The following EHHADH variants were observed in gnomAD, a reference collection of about 807,000 sequenced individuals.
EHHADH encodes enoyl-CoA hydratase and 3-hydroxyacyl CoA dehydrogenase.
In EHHADH, 48 loss-of-function variants were observed where a neutral mutation model predicts 64.4. The ratio of observed to expected loss-of-function variants is 0.75; its 90% CI spans 0.59 to 0.95. The LOEUF is 0.95. EHHADH is among the 40% of genes least tolerant of loss of function. EHHADH has a pLI of 0.00. For missense variants in EHHADH, 854 were observed against 876.6 expected, an observed-to-expected ratio of 0.97 and a Z score of 0.33; for synonymous variants, 308 against 326.7, an observed-to-expected ratio of 0.94 and a Z score of 0.62.
intron 3 of EHHADH, 79 bp downstream of exon 3, chr3:185,235,211 G>C (rs1273862343): frequency 1.1e-5 from 14 of 1,320,992 alleles, no homozygotes; most frequent in Non-Finnish European, 1.4e-5. Flanking sequence ...AATCACCGCT[G>C]ATACTTATGA....
Position 185,229,537 on chromosome 3 carries a change from C to T in EHHADH, c.358G>A (p.Val120Ile). Residue 120 changes from valine to isoleucine, a missense_variant, in exon 4 of 7, where the codon GTT becomes ATT. Physicochemically the swap from Val to Ile is conservative, Grantham distance 29. Coordinates refer to ENST00000231887, the MANE Select transcript of EHHADH (RefSeq NM_001966.4). ...HYRIAHAEAQVGLPEVTLGLL... is the reference protein window; with the variant it reads ...HYRIAHAEAQIGLPEVTLGLL... ...CCCAGTGTAACTTCTGGTAAGCCAA[C>T]TTGAGCCTATCAAAGATTGAAGGCA... The T allele has an allele frequency of 1.9e-6, 3 of 1,562,750 alleles. No individual in the cohort carries two copies. Among genetic ancestry groups the T allele is most frequent in the Non-Finnish European group, 2.6e-6 (3 of 1,150,622 alleles).
At chr3:185,232,149 G>A (rs4686556) in intron 3 of EHHADH, among the ~76,000 whole-genome samples, 7 of 152,104 alleles carry the variant, frequency 4.6e-5, no homozygotes, top group Admixed American at 1.3e-4. Flanking sequence ...TACCCAGATC[G>A]TGATTCTAGC....
At chr3:185,248,757 T>C (rs1215728859) in intron 1 of EHHADH, among the ~76,000 whole-genome samples, 1 of 152,240 alleles carries the variant, frequency 6.6e-6, no homozygotes, top group Non-Finnish European at 1.5e-5. Context: ...ATCCACTTTT[T>C]AAAAATGTAA....
chr3:185,246,193 GTT>G, intron 2 of EHHADH: 1 of 967,976 alleles, frequency 1.0e-6, no homozygotes, highest in Non-Finnish European at 1.6e-6. Context: ...TATCTTTTTT[GTT>G]TTTTTTTCTT....
rs1239828059 is a variant in EHHADH, at chr3:185,235,333, A to C, written c.308T>G (p.Leu103Arg). Reference protein sequence around the residue: ...AIQGMAFGGGLELALGCHYRI... With the variant: ...AIQGMAFGGGRELALGCHYRI... Reference sequence around the variant, plus strand: ...ATAGTGACAGCCCAGGGCCAGCTCTAGTCCCCCTCCGAAAGCCATGCCTTG... The same window carrying C: ...ATAGTGACAGCCCAGGGCCAGCTCTCGTCCCCCTCCGAAAGCCATGCCTTG... Residue 103 changes from leucine to arginine, a missense_variant, in exon 3 of 7, where the codon CTA becomes CGA. Physicochemically the swap from Leu to Arg is moderately radical, Grantham distance 102. Coordinates refer to ENST00000231887, the MANE Select transcript of EHHADH (RefSeq NM_001966.4). The C allele has an allele frequency of 6.2e-7, 1 of 1,613,844 alleles. No homozygotes were observed. The highest frequency in any genetic ancestry group is 8.5e-7 in the Non-Finnish European group (1 of 1,179,934).
intron 5 of EHHADH, among the ~76,000 whole-genome samples, chr3:185,207,159 G>A (rs956239825): frequency 6.6e-6 from 1 of 151,866 alleles, no homozygotes; most frequent in Non-Finnish European, 1.5e-5. Flanking sequence ...GCATGGTGGC[G>A]CACCCCTGTG....
At chr3:185,236,133 T>C (rs1719285857) in intron 2 of EHHADH, among the ~76,000 whole-genome samples, 1 of 152,234 alleles carries the variant, frequency 6.6e-6, no homozygotes, top group Admixed American at 6.5e-5. Context: ...AATATCACTA[T>C]ATAGCCATAA....
At chr3:185,248,184 G>T in intron 2 of EHHADH, 1 of 475,256 alleles carries the variant, frequency 2.1e-6, no homozygotes, top group Non-Finnish European at 3.7e-6. Context: ...CATCAAGTCT[G>T]GAACTAAATA....
In EHHADH at chr3:185,246,405, T is replaced by C. The variant is rs1719596739; in HGVS notation, c.178+2009A>G. The C allele has an allele frequency of 5.9e-5, 35 of 597,338 alleles. No individual in the cohort carries two copies. The South Asian group carries it at 7.4e-4, about 13-fold the overall frequency. 37.0% of individuals were successfully genotyped at this position (597,338 alleles called of 1,614,324 possible). On this transcript the variant is annotated intron_variant, in intron 2 of 6. Transcript: ENST00000231887. ...CTTCTTCTTCTTCTTTTCTTCTTGCTCACAGTAGGATCAAAAATCATCTCA... is the reference window on the plus strand; with the variant it reads ...CTTCTTCTTCTTCTTTTCTTCTTGCCCACAGTAGGATCAAAAATCATCTCA...
intron 6 of EHHADH, among the ~76,000 whole-genome samples, chr3:185,197,670 C>T (rs1472276173): frequency 6.6e-6 from 1 of 152,176 alleles, no homozygotes; most frequent in East Asian, 1.9e-4. Context: ...TATGTATATA[C>T]CAAATTTTAT....
At position 185,204,484 on chromosome 3, in the gene EHHADH, C is replaced by T. The variant is rs978287678; in HGVS notation, c.842G>A (p.Trp281Ter). 3 of 1,613,950 alleles carry T rather than the reference C, an allele frequency of 1.9e-6. No individual in the cohort carries two copies. Among genetic ancestry groups the T allele is most frequent in the Non-Finnish European group, 2.5e-6 (3 of 1,180,012 alleles). Residue 281 changes from tryptophan (W) to a stop codon, truncating the protein, a stop_gained, in exon 6 of 7, where the codon TGG (tryptophan) becomes TAG (stop). Transcript: ENST00000231887. LOFTEE classifies it high-confidence loss of function. Reference sequence around the variant, plus strand: ...CCACGATGCTCCGGAGGGAGTTGACCACTTATTTGCTTTCCTTTCAGCGAA... The same window carrying T: ...CCACGATGCTCCGGAGGGAGTTGACTACTTATTTGCTTTCCTTTCAGCGAA... ...AFFAERKANK[W>*]STPSGASWKT...
rs771075254 is a variant in EHHADH, at chr3:185,204,529, C to T, written c.797G>A (p.Arg266Lys). ...FLYLLQSGQA[R>K]ALQYAFFAER... ...AGCGAAGAAAGCATATTGCAGGGCT[C>T]TAGCCTGCCCTGATTGCAAAAGATA... Residue 266 changes from arginine (R) to lysine (K), a missense_variant, in exon 6 of 7, where the codon AGA (arginine) becomes AAA (lysine). Physicochemically the swap from Arg to Lys is conservative, Grantham distance 26 (BLOSUM62 2). Coordinates refer to ENST00000231887, the MANE Select transcript of EHHADH (RefSeq NM_001966.4). The T allele has an allele frequency of 6.2e-7, 1 of 1,614,112 alleles. No homozygotes were observed. Among genetic ancestry groups the T allele is most frequent in the Admixed American group, 1.7e-5 (1 of 60,032 alleles).
chr3:185,243,482 G>A (rs1413356201), intron 2 of EHHADH, among the ~76,000 whole-genome samples: 1 of 151,996 alleles, frequency 6.6e-6, no homozygotes, highest in African/African-American at 2.4e-5. Context: ...CTAGCTCTGG[G>A]TTTGGTTTTT....
chr3:185,217,411 G>A (rs1208477053), intron 5 of EHHADH, among the ~76,000 whole-genome samples: 1 of 151,812 alleles, frequency 6.6e-6, no homozygotes, highest in Non-Finnish European at 1.5e-5. Context: ...GGGGCATGGT[G>A]GGCGGACGCC....
intron 6 of EHHADH, among the ~76,000 whole-genome samples, chr3:185,194,582 A>G (rs6762116): frequency 0.075 from 11,412 of 151,446 alleles, 1,434 homozygotes; most frequent in African/African-American, 0.26. Flanking sequence ...ATTGCACTCC[A>G]GCCTGGGCAA....
intron 4 of EHHADH, among the ~76,000 whole-genome samples, chr3:185,220,555 C>T (rs1184795808): frequency 2.6e-5 from 4 of 152,128 alleles, no homozygotes; most frequent in Non-Finnish European, 4.4e-5. Flanking sequence ...ACAACAAACT[C>T]GCCTAATGAT....
intron 6 of EHHADH, among the ~76,000 whole-genome samples, chr3:185,203,126 T>C (rs1577356265): frequency 1.3e-5 from 2 of 152,258 alleles, no homozygotes; most frequent in South Asian, 4.1e-4. Context: ...GGCTATAGAC[T>C]AAATAATAGT....
intron 4 of EHHADH, among the ~76,000 whole-genome samples, chr3:185,228,257 A>AAAAAATATATATAT (rs1367786172): frequency 2.3e-4 from 5 of 22,002 alleles, no homozygotes; most frequent in East Asian, 7.8e-4. Flanking sequence ...AAAAAAAAAA[A>AAAAAATATATATAT]ATATATATAT....
chr3:185,253,976 A>G lies in EHHADH; in HGVS notation c.47T>C (p.Leu16Pro), dbSNP rs762780943. The change falls in exon 1 of 7, where the codon CTC (leucine) becomes CCC (proline). Residue 16 changes from leucine (L) to proline (P), a missense_variant. Coordinates refer to ENST00000231887, the MANE Select transcript of EHHADH (RefSeq NM_001966.4). ...RLHNALALIRLRNPPVNAIST... is the reference protein window; with the variant it reads ...RLHNALALIRPRNPPVNAIST... ...GATCGCGTTGACCGGCGGGTTTCGG[A>G]GGCGGATTAGCGCCAAGGCGTTGTG... 1.2e-6 allele frequency: 2 copies of G among 1,613,818 alleles called. 1 individual carries two copies. Among genetic ancestry groups the G allele is most frequent in the South Asian group, 2.2e-5 (2 of 91,074 alleles).
Sources: allele counts gnomAD v4.1 joint callset (sites outside exome capture counted in the v4.1 genomes callset), GRCh38; gene constraint gnomAD v4.1.1; transcripts MANE v1.5; gene names NCBI Gene and HGNC (gene_info 2026-07-23, HGNC 2026-07-21).